MAGI2: variants seen among roughly 807,000 people sequenced by gnomAD.
MAGI2 encodes membrane-associated guanylate kinase, WW and PDZ domain-containing protein 2.
A neutral mutation model predicts 133.3 loss-of-function variants in MAGI2; 35 were observed. That is an observed-to-expected ratio of 0.26 (90% CI 0.20 to 0.35). The LOEUF (loss-of-function observed/expected upper bound fraction) is 0.35, where lower values mean the gene tolerates loss of function less well. Among genes scored for constraint, MAGI2 ranks in the 10% least tolerant of loss-of-function variants. MAGI2 has a pLI of 1.00. For synonymous variants in MAGI2, 729 were observed against 710.6 expected (o/e 1.03, Z -0.41); for missense variants, 1,636 against 1,863.4 (o/e 0.88, Z 2.25).
At chr7:79,350,176 A>C (rs775030836) in intron 1 of MAGI2, among the ~76,000 whole-genome samples, 4 of 152,150 alleles carry the variant, frequency 2.6e-5, no homozygotes, top group Non-Finnish European at 5.9e-5. Flanking sequence ...AATAAAATTA[A>C]AAAGCGAAAA....
intron 1 of MAGI2, among the ~76,000 whole-genome samples, chr7:79,234,138 CT>C (rs1203980486): frequency 7.2e-6 from 1 of 139,546 alleles, no homozygotes; most frequent in Non-Finnish European, 1.5e-5. Flanking sequence ...TCTCTTCTGG[CT>C]TGTAGGGTTT....
intron 9 of MAGI2, among the ~76,000 whole-genome samples, chr7:78,269,394 C>T (rs1463891860): frequency 6.6e-6 from 1 of 152,138 alleles, no homozygotes; most frequent in African/African-American, 2.4e-5. Flanking sequence ...TAATTAAACT[C>T]CCACCAACAG....
At chr7:78,735,767 G>A (rs988888798) in intron 2 of MAGI2, among the ~76,000 whole-genome samples, 3 of 152,076 alleles carry the variant, frequency 2.0e-5, no homozygotes, top group African/African-American at 7.2e-5. Flanking sequence ...AGGGTTTATA[G>A]GTCCCATACC....
chr7:79,163,155 T>C (rs898730090), intron 1 of MAGI2, among the ~76,000 whole-genome samples: 1 of 152,112 alleles, frequency 6.6e-6, no homozygotes, highest in African/African-American at 2.4e-5. Flanking sequence ...TGTCTACTGA[T>C]AACAAGTCCT....
chr7:78,943,686 T>C (rs2151685631), intron 2 of MAGI2, among the ~76,000 whole-genome samples: 1 of 152,294 alleles, frequency 6.6e-6, no homozygotes, highest in South Asian at 2.1e-4. Context: ...TATCCAATTT[T>C]CCTTTGCATA....
intron 2 of MAGI2, among the ~76,000 whole-genome samples, chr7:78,926,624 A>G (rs568342088): frequency 7.9e-5 from 12 of 152,120 alleles, no homozygotes; most frequent in African/African-American, 2.9e-4. Flanking sequence ...CACTTCACAT[A>G]AATTGGCCAA....
intron 1 of MAGI2, among the ~76,000 whole-genome samples, chr7:79,425,865 T>C (rs913934982): frequency 6.6e-6 from 1 of 152,036 alleles, no homozygotes; most frequent in Non-Finnish European, 1.5e-5. Context: ...CTCTGCACTA[T>C]GAAGCATTGT....
At chr7:78,388,810 G>C (rs1175735122) in intron 6 of MAGI2, among the ~76,000 whole-genome samples, 2 of 152,060 alleles carry the variant, frequency 1.3e-5, no homozygotes, top group Non-Finnish European at 2.9e-5. Context: ...AAGAAAAATA[G>C]AGTAACAAGC....
At chr7:79,046,201 C>A (rs1309749869) in intron 1 of MAGI2, among the ~76,000 whole-genome samples, 3 of 152,168 alleles carry the variant, frequency 2.0e-5, no homozygotes, top group Non-Finnish European at 4.4e-5. Context: ...TCCCTAGTTT[C>A]TCTTAATGTG....
chr7:78,490,687 C>T (rs1793519535), intron 5 of MAGI2, among the ~76,000 whole-genome samples: 1 of 152,106 alleles, frequency 6.6e-6, no homozygotes, highest in African/African-American at 2.4e-5. Flanking sequence ...GCTACACAAT[C>T]TCCATCACTG....
In MAGI2 at chr7:78,631,564, A is replaced by T. The variant is rs140268600; in HGVS notation, c.419-4325T>A. 1.6e-3 allele frequency among the ~76,000 whole-genome samples: 237 copies of T among 152,332 alleles called. 1 individual carries two copies. The highest frequency in any genetic ancestry group is 5.4e-3 in the African/African-American group (224 of 41,590). On this transcript the variant is annotated intron_variant, in intron 2 of 21. Transcript: ENST00000354212. ...AGGGAGAGAAAAATACTGAGAGTCAAGAAGAAACAGAGAACGCCATGGTTC... is the reference window on the plus strand; with the variant it reads ...AGGGAGAGAAAAATACTGAGAGTCATGAAGAAACAGAGAACGCCATGGTTC...
At chr7:79,311,429 T>C (rs1838283034) in intron 1 of MAGI2, among the ~76,000 whole-genome samples, 1 of 152,138 alleles carries the variant, frequency 6.6e-6, no homozygotes, top group South Asian at 2.1e-4. Flanking sequence ...CTGGGCTGCA[T>C]GCGGGCTGTG....
chr7:78,105,808 C>T (rs1489364715), intron 20 of MAGI2, among the ~76,000 whole-genome samples: 1 of 152,016 alleles, frequency 6.6e-6, no homozygotes, highest in African/African-American at 2.4e-5. Context: ...ATAATCACAT[C>T]AGAGTAATTG....
rs977737593 is a variant in MAGI2, at chr7:78,576,941, C to G, written c.538+50179G>C. On this transcript the variant is annotated intron_variant, in intron 3 of 21. Coordinates refer to ENST00000354212, the MANE Select transcript of MAGI2 (RefSeq NM_012301.4). ...TAGTTAAGCCCTGTCTCTACTAAAA[C>G]AAACAAGCAAGCAAACAAAACAAAA... 2.6e-5 allele frequency among the ~76,000 whole-genome samples: 4 copies of G among 152,014 alleles called. No homozygotes were observed. The East Asian group carries it at 7.7e-4, about 29-fold the overall frequency.
At chr7:78,540,723 T>G (rs780657625) in intron 3 of MAGI2, among the ~76,000 whole-genome samples, 2 of 152,158 alleles carry the variant, frequency 1.3e-5, no homozygotes, top group Admixed American at 6.5e-5. Flanking sequence ...CCCTGAGAGA[T>G]AAAGTCAGAA....
In MAGI2 at chr7:79,343,115, C is replaced by G. The variant is rs1000351195; in HGVS notation, c.301+109905G>C. 2.0e-5 allele frequency among the ~76,000 whole-genome samples: 3 copies of G among 152,042 alleles called. No homozygotes were observed. The East Asian group carries it at 5.8e-4, about 29-fold the overall frequency. On this transcript the variant is annotated intron_variant, in intron 1 of 21. Transcript: ENST00000354212. The stretch of plus-strand genomic sequence containing the variant: ...GCTTTACTGAGGCATAATTGAAATA[C>G]AAAAAGTTGCATATACTTATTTTTC...
chr7:79,450,109 C>A (rs1397767269), intron 1 of MAGI2, among the ~76,000 whole-genome samples: 4 of 151,702 alleles, frequency 2.6e-5, no homozygotes, highest in African/African-American at 9.7e-5. Flanking sequence ...TATGATAATT[C>A]TTGTAGTTTC....
intron 6 of MAGI2, among the ~76,000 whole-genome samples, chr7:78,386,561 A>G (rs1379942799): frequency 6.6e-6 from 1 of 152,202 alleles, no homozygotes; most frequent in Non-Finnish European, 1.5e-5. Context: ...GTTACCTGGC[A>G]TGTAAAGAGC....
chr7:79,338,116 C>A (rs139988582), intron 1 of MAGI2, among the ~76,000 whole-genome samples: 1 of 152,040 alleles, frequency 6.6e-6, no homozygotes, highest in African/African-American at 2.4e-5. Flanking sequence ...GGATTTGTAA[C>A]GATTAATTAT....
Sources: allele counts gnomAD v4.1 joint callset (sites outside exome capture counted in the v4.1 genomes callset), GRCh38; gene constraint gnomAD v4.1.1; transcripts MANE v1.5; gene names NCBI Gene and HGNC (gene_info 2026-07-23, HGNC 2026-07-21).